Variants in BMPER observed in about 807,000 individuals in gnomAD.
BMPER encodes the protein BMP-binding endothelial regulator protein.
Under a neutral mutation model 87.3 loss-of-function variants are expected in BMPER, and 45 were observed. The ratio of observed to expected loss-of-function variants is 0.52; its 90% CI spans 0.41 to 0.66. The LOEUF is 0.66. BMPER is among the 30% of genes least tolerant of loss of function. The pLI is 0.00. For missense variants in BMPER, 784 were observed against 867.5 expected (o/e 0.90, Z 1.21); for synonymous variants, 326 against 316.2 (o/e 1.03, Z -0.33).
In BMPER at chr7:34,100,379, C is replaced by G. The variant is rs146022492; in HGVS notation, c.1745+14287C>G. ...AAGGACCTCCATGAGAAAATGACAT[C>G]TGGGCTGAGCTAAAAAGGATGGGTA... On this transcript the variant is annotated intron_variant, in intron 13 of 14. Coordinates refer to ENST00000649409, the MANE Select transcript of BMPER (RefSeq NM_001365308.1). Among the ~76,000 whole-genome samples, 102 of 152,228 alleles carry G rather than the reference C, an allele frequency of 6.7e-4. 1 individual carries two copies. Among genetic ancestry groups the G allele is most frequent in the East Asian group, 3.3e-3 (17 of 5,154 alleles).
intron 6 of BMPER, among the ~76,000 whole-genome samples, chr7:33,999,489 C>T (rs982205274): frequency 5.9e-5 from 9 of 152,102 alleles, no homozygotes; most frequent in African/African-American, 1.7e-4. Flanking sequence ...ACAGGCTTTA[C>T]GTTATTTACT....
chr7:33,905,606 A>G lies in BMPER; in HGVS notation c.-8A>G, dbSNP rs1562621346. The G allele has an allele frequency of 3.7e-6, 6 of 1,611,864 alleles. No homozygotes were observed. Among genetic ancestry groups the G allele is most frequent in the Non-Finnish European group, 5.1e-6 (6 of 1,179,822 alleles). ...CCTGCAGTCGCCAGGGATTCCCTCCAGGTGACGATGCTCTGGTTCTCCGGC... is the reference window on the plus strand; with the variant it reads ...CCTGCAGTCGCCAGGGATTCCCTCCGGGTGACGATGCTCTGGTTCTCCGGC... On this transcript the variant is annotated 5_prime_UTR_variant, in exon 1 of 15. Transcript: ENST00000649409.
At chr7:34,112,576 A>T (rs2127986600) in intron 13 of BMPER, among the ~76,000 whole-genome samples, 1 of 143,970 alleles carries the variant, frequency 6.9e-6, no homozygotes, top group Admixed American at 6.9e-5. Context: ...TTTCATTTTG[A>T]GGTATACGTG....
At chr7:33,950,821 A>G (rs1785002228) in intron 3 of BMPER, among the ~76,000 whole-genome samples, 1 of 152,172 alleles carries the variant, frequency 6.6e-6, no homozygotes. Flanking sequence ...TCTACCAACC[A>G]TACCCAGAGC....
At chr7:34,003,694 A>C (rs1786650373) in intron 6 of BMPER, among the ~76,000 whole-genome samples, 1 of 152,108 alleles carries the variant, frequency 6.6e-6, no homozygotes, top group African/African-American at 2.4e-5. Flanking sequence ...GTTTTGTTGC[A>C]TGTAGTTAAC....
At chr7:34,133,397 G>A (rs988170665) in intron 13 of BMPER, among the ~76,000 whole-genome samples, 1 of 150,640 alleles carries the variant, frequency 6.6e-6, no homozygotes, top group Non-Finnish European at 1.5e-5. Flanking sequence ...GGAAGGTGGT[G>A]TGCCTGGGTT....
At position 34,153,806 on chromosome 7, in the gene BMPER, T is replaced by C. The variant is rs1791245922; in HGVS notation, c.*533T>C. 1 of 164,090 alleles carries C rather than the reference T, an allele frequency of 6.1e-6. No homozygotes were observed. Among genetic ancestry groups the C allele is most frequent in the African/African-American group, 2.4e-5 (1 of 41,528 alleles). The allele number at this position is 164,090 out of a possible 1,614,324, so 10.2% of individuals were successfully genotyped here. On this transcript the variant is annotated 3_prime_UTR_variant, in exon 15 of 15. Coordinates refer to ENST00000649409, the MANE Select transcript of BMPER (RefSeq NM_001365308.1). ...GGAGATTGGTGACCGGCCCTAATGG[T>C]GCATGAAAAGCGAGTGATAGGCTGT...
chr7:34,011,696 A>G (rs891519961), intron 6 of BMPER, among the ~76,000 whole-genome samples: 1 of 151,798 alleles, frequency 6.6e-6, no homozygotes, highest in African/African-American at 2.4e-5. Context: ...AAGAACAAGC[A>G]CATTCCAGAA....
intron 1 of BMPER, 43 bp from the exon 2 acceptor site, chr7:33,906,775 T>A (rs1783828535): frequency 6.5e-7 from 1 of 1,548,396 alleles, no homozygotes; most frequent in Admixed American, 1.7e-5. Flanking sequence ...ATCATGCTGC[T>A]AAGCTAACTT....
At chr7:34,093,546 C>G (rs1418181786) in intron 13 of BMPER, among the ~76,000 whole-genome samples, 2 of 152,218 alleles carry the variant, frequency 1.3e-5, no homozygotes, top group African/African-American at 2.4e-5. Context: ...TAACGATTGT[C>G]TCTTTGTGGC....
At chr7:33,945,576 G>A (rs1784873715) in intron 3 of BMPER, among the ~76,000 whole-genome samples, 2 of 152,088 alleles carry the variant, frequency 1.3e-5, no homozygotes, top group South Asian at 4.2e-4. Flanking sequence ...TATCTACCAA[G>A]AGCTCTCATC....
intron 13 of BMPER, among the ~76,000 whole-genome samples, chr7:34,111,696 A>G (rs547728444): frequency 1.4e-3 from 210 of 152,302 alleles, no homozygotes; most frequent in Non-Finnish European, 2.4e-3. Context: ...CAATTCTGAA[A>G]TGAATCTAAA....
intron 9 of BMPER, among the ~76,000 whole-genome samples, chr7:34,056,128 T>C (rs1788277512): frequency 6.6e-6 from 1 of 152,142 alleles, no homozygotes; most frequent in South Asian, 2.1e-4. Flanking sequence ...TTGGTTCTGA[T>C]GGAATAGTAA....
chr7:33,984,475 A>AT (rs896460225), intron 6 of BMPER, among the ~76,000 whole-genome samples: 1 of 152,004 alleles, frequency 6.6e-6, no homozygotes, highest in Non-Finnish European at 1.5e-5. Flanking sequence ...AAAAAAAAAA[A>AT]GTGCTTATCC....
intron 3 of BMPER, among the ~76,000 whole-genome samples, chr7:33,965,377 G>A (rs749197843): frequency 5.9e-5 from 9 of 151,894 alleles, no homozygotes; most frequent in Non-Finnish European, 1.2e-4. Flanking sequence ...TATTCTGCTT[G>A]AATGTATTAA....
At chr7:34,046,263 A>G (rs1305975034) in intron 6 of BMPER, 43 bp from the exon 7 acceptor site, 7 of 1,573,566 alleles carry the variant, frequency 4.4e-6, no homozygotes, top group African/African-American at 1.3e-5. Context: ...ATCTACATGC[A>G]CTTACTTTTC....
intron 2 of BMPER, among the ~76,000 whole-genome samples, chr7:33,936,746 C>T (rs1784612494): frequency 6.6e-6 from 1 of 152,170 alleles, no homozygotes; most frequent in African/African-American, 2.4e-5. Context: ...ACGTCCATGT[C>T]TCTGCTTGGC....
chr7:33,993,898 C>T (rs1021835304), intron 6 of BMPER, among the ~76,000 whole-genome samples: 4 of 152,128 alleles, frequency 2.6e-5, no homozygotes, highest in African/African-American at 7.2e-5. Flanking sequence ...GTCAGTGTGC[C>T]CCTGCTGGAG....
intron 2 of BMPER, among the ~76,000 whole-genome samples, chr7:33,934,923 G>A (rs1460137220): frequency 6.6e-6 from 1 of 152,310 alleles, no homozygotes; most frequent in African/African-American, 2.4e-5. Flanking sequence ...TGGGGTGGGA[G>A]AGTCGGTATA....
Sources: allele counts gnomAD v4.1 joint callset (sites outside exome capture counted in the v4.1 genomes callset), GRCh38; gene constraint gnomAD v4.1.1; transcripts MANE v1.5; gene names NCBI Gene and HGNC (gene_info 2026-07-23, HGNC 2026-07-21).